The following FGF14 variants were observed in gnomAD, a reference collection of about 807,000 sequenced individuals.
FGF14 encodes the protein fibroblast growth factor 14.
In FGF14, 5 loss-of-function variants were observed where a neutral mutation model predicts 25.5. That is an observed-to-expected ratio of 0.20 (90% CI 0.10 to 0.41). FGF14 has a LOEUF of 0.41. FGF14 is among the 10% of genes least tolerant of loss of function. The probability of loss-of-function intolerance (pLI) is 1.00; values close to 1 mark genes in which losing one functional copy is unlikely to be tolerated. For missense variants in FGF14, 222 were observed against 320.1 expected, an observed-to-expected ratio of 0.69 and a Z score of 2.34; for synonymous variants, 138 against 118.3, an observed-to-expected ratio of 1.17 and a Z score of -1.08.
At chr13:102,257,599 C>G (rs2052513110) in intron 1 of FGF14, among the ~76,000 whole-genome samples, 2 of 152,076 alleles carry the variant, frequency 1.3e-5, no homozygotes, top group South Asian at 4.2e-4. Context: ...TCCCAAAGTG[C>G]TAGGATTAGA....
intron 3 of FGF14, among the ~76,000 whole-genome samples, chr13:101,788,670 A>T (rs2039995264): frequency 6.6e-6 from 1 of 151,618 alleles, no homozygotes; most frequent in Non-Finnish European, 1.5e-5. Flanking sequence ...CAGGCATTTA[A>T]CTGGATTTCT....
upstream of FGF14, among the ~76,000 whole-genome samples, chr13:101,918,307 T>TA (rs2033728746): frequency 6.6e-6 from 1 of 152,232 alleles, no homozygotes; most frequent in Non-Finnish European, 1.5e-5. Context: ...AGTGCAGCTC[T>TA]GGCTCCGGGC....
intron 1 of FGF14, among the ~76,000 whole-genome samples, chr13:102,324,441 T>C (rs2056354719): frequency 6.6e-6 from 1 of 152,102 alleles, no homozygotes; most frequent in African/African-American, 2.4e-5. Context: ...CAAAAAAAGG[T>C]CTTCAATGTC....
At chr13:101,978,369 C>T (rs536179145) in intron 1 of FGF14, among the ~76,000 whole-genome samples, 33 of 152,308 alleles carry the variant, frequency 2.2e-4, no homozygotes, top group Non-Finnish European at 4.1e-4. Flanking sequence ...GCCTAATCTG[C>T]ATAGGAGACC....
chr13:102,236,645 T>C (rs2051339993), intron 1 of FGF14, among the ~76,000 whole-genome samples: 1 of 152,170 alleles, frequency 6.6e-6, no homozygotes, highest in African/African-American at 2.4e-5. Context: ...GACTGTGCAT[T>C]GTCCACCCTC....
At chr13:102,315,694 C>G (rs1013767712) in intron 1 of FGF14, among the ~76,000 whole-genome samples, 2 of 152,092 alleles carry the variant, frequency 1.3e-5, no homozygotes, top group Admixed American at 1.3e-4. Flanking sequence ...AATTTTCTGT[C>G]CCAAATATTA....
chr13:102,255,576 T>G (rs2052397679), intron 1 of FGF14, among the ~76,000 whole-genome samples: 2 of 152,202 alleles, frequency 1.3e-5, no homozygotes, highest in South Asian at 4.1e-4. Flanking sequence ...AAAGGTCCTA[T>G]GATGGAAGAT....
chr13:102,074,967 T>C (rs1047125876), intron 1 of FGF14, among the ~76,000 whole-genome samples: 23 of 152,316 alleles, frequency 1.5e-4, no homozygotes, highest in African/African-American at 5.5e-4. Context: ...CAGCTAACAT[T>C]ATCCTCAGCA....
At chr13:102,125,152 T>G (rs2045900502) in intron 1 of FGF14, among the ~76,000 whole-genome samples, 1 of 152,212 alleles carries the variant, frequency 6.6e-6, no homozygotes, top group Non-Finnish European at 1.5e-5. Context: ...TTGTTTAATA[T>G]GTACACTTGA....
intron 1 of FGF14, among the ~76,000 whole-genome samples, chr13:102,169,011 A>G (rs576463376): frequency 6.6e-6 from 1 of 151,918 alleles, no homozygotes; most frequent in African/African-American, 2.4e-5. Flanking sequence ...CAGAGAAGAA[A>G]AAAAAAGAAC....
intron 1 of FGF14, among the ~76,000 whole-genome samples, chr13:101,992,568 C>T (rs1009405135): frequency 4.6e-5 from 7 of 151,200 alleles, no homozygotes; most frequent in Admixed American, 1.3e-4. Context: ...GTTAAGGGAT[C>T]GAATGAAAAA....
At chr13:101,733,611 A>AAG (rs1377543264) in intron 3 of FGF14, among the ~76,000 whole-genome samples, 3 of 71,512 alleles carry the variant, frequency 4.2e-5, no homozygotes, top group African/African-American at 1.0e-4. Context: ...AAAAAAAAAA[A>AAG]AGAGAGAGAG....
At chr13:102,149,102 C>T (rs1400891992) in intron 1 of FGF14, among the ~76,000 whole-genome samples, 2 of 151,890 alleles carry the variant, frequency 1.3e-5, no homozygotes, top group Admixed American at 6.6e-5. Context: ...AAGTGCTTTA[C>T]CTGCATGGGT....
intron 1 of FGF14, among the ~76,000 whole-genome samples, chr13:102,161,667 GAAGAAGAAGAAGAA>G (rs2047749019): frequency 8.2e-5 from 4 of 48,960 alleles, no homozygotes; most frequent in African/African-American, 6.9e-5. Flanking sequence ...AGAAGAAGAA[GAAGAAGAAGAAGAA>G]GAAGAAGAAG....
chr13:102,025,541 T>C (rs1353157010), intron 1 of FGF14, among the ~76,000 whole-genome samples: 2 of 151,986 alleles, frequency 1.3e-5, no homozygotes, highest in African/African-American at 2.4e-5. Context: ...TCTGAGTAGC[T>C]GGGACTACAG....
At chr13:101,756,627 G>T (rs1351992454) in intron 3 of FGF14, among the ~76,000 whole-genome samples, 1 of 152,176 alleles carries the variant, frequency 6.6e-6, no homozygotes, top group Non-Finnish European at 1.5e-5. Context: ...CAGCTACTGG[G>T]GAGGCTGAGG....
intron 3 of FGF14, among the ~76,000 whole-genome samples, chr13:101,849,261 G>A (rs531904734): frequency 6.6e-6 from 1 of 152,068 alleles, no homozygotes; most frequent in African/African-American, 2.4e-5. Flanking sequence ...GGTTTTCTGA[G>A]GACTGGAAGG....
chr13:101,918,013 T>C (rs1397227370), upstream of FGF14, among the ~76,000 whole-genome samples: 1 of 152,130 alleles, frequency 6.6e-6, no homozygotes, highest in African/African-American at 2.4e-5. Context: ...GCTGTCATCT[T>C]CTGGTGTCCC....
intron 3 of FGF14, among the ~76,000 whole-genome samples, chr13:101,862,131 G>A (rs369310884): frequency 1.3e-5 from 2 of 152,088 alleles, no homozygotes; most frequent in African/African-American, 2.4e-5. Context: ...TCTACACCAC[G>A]TAGAAAGTTA....
Sources: gnomAD v4.1 joint callset for allele counts (sites outside exome capture counted in the v4.1 genomes callset) on GRCh38, gnomAD v4.1.1 for gene constraint, MANE v1.5 for transcripts, NCBI Gene and HGNC (gene_info 2026-07-23, HGNC 2026-07-21) for gene names.